The following EFCAB5 variants were observed in gnomAD, a reference collection of about 807,000 sequenced individuals.
The protein encoded by EFCAB5 is EF-hand calcium-binding domain-containing protein 5.
EFCAB5 carries 131 observed loss-of-function variants against 167.9 expected under a neutral mutation model. The ratio of observed to expected loss-of-function variants is 0.78; its 90% confidence interval spans 0.68 to 0.90. The LOEUF (loss-of-function observed/expected upper bound fraction) is 0.90, where lower values mean the gene tolerates loss of function less well. Among genes scored for constraint, EFCAB5 ranks in the 40% least tolerant of loss-of-function variants. EFCAB5 has a pLI of 0.00. For synonymous variants in EFCAB5, 574 were observed against 602.8 expected, an observed-to-expected ratio of 0.95 and a Z score of 0.70; for missense variants, 1,663 against 1,745.2, an observed-to-expected ratio of 0.95 and a Z score of 0.84.
chr17:30,055,119 G>A (rs184855642), intron 10 of EFCAB5, among the ~76,000 whole-genome samples: 462 of 151,820 alleles, frequency 3.0e-3, no homozygotes, highest in Admixed American at 5.1e-3. Flanking sequence ...GCAACATGGC[G>A]AAACGCCATC....
In EFCAB5 at chr17:29,999,973, A is replaced by G. The variant is rs1205271212; in HGVS notation, c.1041A>G (p.Thr347=). The G allele has an allele frequency of 3.2e-6, 5 of 1,562,592 alleles. No individual in the cohort carries two copies. The highest frequency in any genetic ancestry group is 4.3e-6 in the Non-Finnish European group (5 of 1,150,384). ...TEPRLNKMEF[T]EYISSHIKDL... ...CAAGATTGAACAAAATGGAATTTAC[A>G]GAAGTAAGAGTTACATTATTTAATG... Residue 347 remains threonine (T), a synonymous_variant, in exon 7 of 23, where the codon ACA becomes ACG. Transcript: ENST00000394835.
chr17:30,038,616 C>T (rs1311735358), intron 8 of EFCAB5, among the ~76,000 whole-genome samples: 1 of 152,172 alleles, frequency 6.6e-6, no homozygotes, highest in African/African-American at 2.4e-5. Context: ...TTTCATAAGG[C>T]TATAGCTTCC....
chr17:30,105,938 C>T (rs1368901213), intron 22 of EFCAB5, among the ~76,000 whole-genome samples: 1 of 152,124 alleles, frequency 6.6e-6, no homozygotes, highest in Non-Finnish European at 1.5e-5. Context: ...ATTCCTATCC[C>T]ATATTATACC....
At chr17:30,027,999 C>A (rs1009087345) in intron 7 of EFCAB5, among the ~76,000 whole-genome samples, 2 of 152,176 alleles carry the variant, frequency 1.3e-5, no homozygotes, top group African/African-American at 2.4e-5. Context: ...ATATGCAAAA[C>A]TACAAATACT....
At chr17:29,931,602 A>C (rs1259056297) in intron 1 of EFCAB5, among the ~76,000 whole-genome samples, 2 of 151,848 alleles carry the variant, frequency 1.3e-5, no homozygotes, top group East Asian at 3.9e-4. Flanking sequence ...CAGATTAAAC[A>C]ATCTGACTGT....
rs553091893 is a variant in EFCAB5, at chr17:30,009,924, T to C, written c.1044+9948T>C. Among the ~76,000 whole-genome samples, 19 of 152,292 alleles carry C rather than the reference T, an allele frequency of 1.2e-4. No individual in the cohort carries two copies. The South Asian group carries it at 3.9e-3, about 32-fold the overall frequency. On this transcript the variant is annotated intron_variant, in intron 7 of 22. Coordinates refer to ENST00000394835, the MANE Select transcript of EFCAB5 (RefSeq NM_198529.4). ...TTTGCTGCACCCATTAACTCGTCATTTGCATTAGGTATTTCTCCTAATGCT... is the reference window on the plus strand; with the variant it reads ...TTTGCTGCACCCATTAACTCGTCATCTGCATTAGGTATTTCTCCTAATGCT...
At chr17:29,990,508 A>G (rs1394605859) in intron 4 of EFCAB5, among the ~76,000 whole-genome samples, 2 of 152,278 alleles carry the variant, frequency 1.3e-5, no homozygotes, top group East Asian at 1.9e-4. Flanking sequence ...ATCTGAATCA[A>G]TGACTCCTGT....
chr17:30,059,581 C>T lies in EFCAB5; in HGVS notation c.2617C>T (p.Leu873Phe). 2.5e-6 allele frequency: 4 copies of T among 1,609,866 alleles called. No individual in the cohort carries two copies. Among genetic ancestry groups the T allele is most frequent in the Non-Finnish European group, 3.4e-6 (4 of 1,177,622 alleles). ...TGCTTTCCAAGTCCGACAGAGGCTT[C>T]TCCTAGAAGCCATCTTTCAGAAGTG... is the stretch of plus-strand genomic sequence containing the variant. The part of the protein sequence containing the change: ...QNAFQVRQRL[L>F]LEAIFQKWDS... The change falls in exon 14 of 23, where the codon CTC becomes TTC. Residue 873 changes from leucine to phenylalanine, a missense_variant. Transcript: ENST00000394835.
intron 14 of EFCAB5, among the ~76,000 whole-genome samples, chr17:30,066,087 A>G (rs1406842853): frequency 6.6e-6 from 1 of 152,230 alleles, no homozygotes; most frequent in Non-Finnish European, 1.5e-5. Flanking sequence ...TAAACTAAAC[A>G]TTAGACCAAA....
chr17:30,040,795 G>GT (rs1315419840), intron 8 of EFCAB5, among the ~76,000 whole-genome samples: 47 of 152,336 alleles, frequency 3.1e-4, no homozygotes, highest in African/African-American at 8.4e-4. Flanking sequence ...AGTTCTTACA[G>GT]TTTAGCCCAG....
chr17:30,053,018 A>C (rs1390992960), intron 9 of EFCAB5, among the ~76,000 whole-genome samples: 1 of 152,224 alleles, frequency 6.6e-6, no homozygotes, highest in Non-Finnish European at 1.5e-5. Flanking sequence ...AATCCTATTT[A>C]TTTCCAAAAT....
intron 7 of EFCAB5, among the ~76,000 whole-genome samples, chr17:30,014,972 G>T (rs1316760540): frequency 6.6e-6 from 1 of 152,090 alleles, no homozygotes; most frequent in Non-Finnish European, 1.5e-5. Context: ...CTTCCTTCAG[G>T]AGCTCTTGTA....
chr17:29,969,384 T>C lies in EFCAB5; in HGVS notation c.767+17T>C. On this transcript the variant is annotated intron_variant, in intron 4 of 22. Coordinates refer to ENST00000394835, the MANE Select transcript of EFCAB5 (RefSeq NM_198529.4). ...CTGCAACAGGTACAATCTGTTATAG[T>C]TTCAGTTCATGATCTGTCTCCTTAC... 1.3e-6 allele frequency: 2 copies of C among 1,535,834 alleles called. No individual in the cohort carries two copies. The highest frequency in any genetic ancestry group is 2.3e-5 in the East Asian group (1 of 44,260).
chr17:29,980,347 C>A (rs1377804009), intron 4 of EFCAB5, among the ~76,000 whole-genome samples: 1 of 152,132 alleles, frequency 6.6e-6, no homozygotes, highest in African/African-American at 2.4e-5. Flanking sequence ...ACTAAAACAG[C>A]CAGTTTTATC....
intron 4 of EFCAB5, among the ~76,000 whole-genome samples, chr17:29,983,588 C>T (rs1437107573): frequency 6.6e-6 from 1 of 152,160 alleles, no homozygotes; most frequent in Non-Finnish European, 1.5e-5. Context: ...CTTCCAGTCC[C>T]CTTACACTTA....
At chr17:29,970,657 CACACACACACAT>C (rs1408605669) in intron 4 of EFCAB5, among the ~76,000 whole-genome samples, 17 of 146,002 alleles carry the variant, frequency 1.2e-4, no homozygotes, top group African/African-American at 3.8e-4. Context: ...CACACACACA[CACACACACACAT>C]ACACACACAC....
chr17:30,087,826 G>C (rs1291971792), intron 19 of EFCAB5, among the ~76,000 whole-genome samples: 2 of 152,236 alleles, frequency 1.3e-5, no homozygotes, highest in Admixed American at 1.3e-4. Context: ...GGATTGCTGG[G>C]TCAAATGGTA....
At chr17:29,992,755 G>A (rs972550935) in intron 4 of EFCAB5, among the ~76,000 whole-genome samples, 4 of 152,220 alleles carry the variant, frequency 2.6e-5, no homozygotes, top group Non-Finnish European at 4.4e-5. Flanking sequence ...GAACATGGAA[G>A]TGCAGCCATC....
At chr17:29,967,888 CTTTT>C (rs35474839) in intron 3 of EFCAB5, among the ~76,000 whole-genome samples, 3 of 134,848 alleles carry the variant, frequency 2.2e-5, no homozygotes, top group African/African-American at 5.4e-5. Flanking sequence ...ATTTCCTCAC[CTTTT>C]TTTTTTTTTT....
Sources: allele counts gnomAD v4.1 joint callset (sites outside exome capture counted in the v4.1 genomes callset), GRCh38; gene constraint gnomAD v4.1.1; transcripts MANE v1.5; gene names NCBI Gene and HGNC (gene_info 2026-07-23, HGNC 2026-07-21).